VAV2: variants seen among roughly 807,000 people sequenced by gnomAD.
VAV2 encodes guanine nucleotide exchange factor VAV2.
Under a neutral mutation model 132.5 loss-of-function variants are expected in VAV2, and 67 were observed. The observed-to-expected ratio is 0.51, with a 90% CI of 0.42 to 0.62. VAV2 has a LOEUF of 0.62. Among genes scored for constraint, VAV2 ranks in the 20% least tolerant of loss-of-function variants. The pLI, the probability that VAV2 is intolerant of heterozygous loss-of-function variation, is 0.00. For missense variants in VAV2, 938 were observed against 1,153.6 expected (o/e 0.81, Z 2.71); for synonymous variants, 492 against 443.5 (o/e 1.11, Z -1.37).
chr9:133,902,185 C>A (rs1177502352), intron 2 of VAV2, among the ~76,000 whole-genome samples: 1 of 152,186 alleles, frequency 6.6e-6, no homozygotes, highest in African/African-American at 2.4e-5. Context: ...TGAGACCCAA[C>A]TTCATTGTCT....
chr9:133,894,079 TCCACTGC>T (rs1399565978), intron 2 of VAV2, among the ~76,000 whole-genome samples: 1 of 152,140 alleles, frequency 6.6e-6, no homozygotes, highest in Non-Finnish European at 1.5e-5. Flanking sequence ...ACTCCCCGCC[TCCACTGC>T]CCGTCAGAAT....
chr9:133,946,972 A>G (rs1210342933), intron 1 of VAV2, among the ~76,000 whole-genome samples: 1 of 152,184 alleles, frequency 6.6e-6, no homozygotes, highest in Non-Finnish European at 1.5e-5. Context: ...CGGGCTCAGT[A>G]TCTGGTAGAC....
chr9:133,917,198 C>T (rs1384695753), intron 2 of VAV2, among the ~76,000 whole-genome samples: 1 of 150,946 alleles, frequency 6.6e-6, no homozygotes, highest in Non-Finnish European at 1.5e-5. Flanking sequence ...GGGGCCCTAT[C>T]CCCGTCCTCC....
In VAV2 at chr9:133,762,822, C is replaced by T. The variant is rs908622403; in HGVS notation, c.*1240G>A. 5 of 152,646 alleles carry T rather than the reference C, an allele frequency of 3.3e-5. No homozygotes were observed. The highest frequency in any genetic ancestry group is 9.6e-5 in the African/African-American group (4 of 41,478). The allele number at this position is 152,646 out of a possible 1,614,324, so 9.5% of individuals were successfully genotyped here. A position where few individuals can be genotyped will look rare whatever the true frequency, so the allele number is the denominator to read the frequency against. ...CCCAGCCTGGGCCGGGCACCTCCCACAGGCTGTGCAGCTGGCCAGAGGGAG... is the reference window on the plus strand; with the variant it reads ...CCCAGCCTGGGCCGGGCACCTCCCATAGGCTGTGCAGCTGGCCAGAGGGAG... On this transcript the variant is annotated 3_prime_UTR_variant, in exon 30 of 30. Transcript: ENST00000371850. This position sits in a 1 kb window ranked among gnomAD's most constrained non-coding sequence, Gnocchi z 5.0.
chr9:133,891,600 GGGGAAAGAA>G (rs1450604843), intron 2 of VAV2, among the ~76,000 whole-genome samples: 1 of 2,382 alleles, frequency 4.2e-4, no homozygotes. Flanking sequence ...AAGGGAGGGA[GGGGAAAGAA>G]GGAGAGGGAT....
rs138204693 is a variant in VAV2, at chr9:133,901,478, G to C, written c.321+37625C>G. 8.3e-3 allele frequency among the ~76,000 whole-genome samples: 1,262 copies of C among 152,374 alleles called. 26 individuals carry two copies. Among genetic ancestry groups the C allele is most frequent in the African/African-American group, 0.029 (1,205 of 41,590 alleles). On this transcript the variant is annotated intron_variant, in intron 2 of 29. Transcript: ENST00000371850. ...GTGGTGGCTCTGACCAGGGGAGCCT[G>C]TCGGGAGAGCCATGGCACCACCTCG...
intron 2 of VAV2, among the ~76,000 whole-genome samples, chr9:133,888,974 C>T (rs945269676): frequency 6.6e-6 from 1 of 152,194 alleles, no homozygotes; most frequent in Non-Finnish European, 1.5e-5. Flanking sequence ...GGAAATGAAG[C>T]GCCCCTGCCA....
At chr9:133,814,288 C>G (rs1463075068) in intron 4 of VAV2, among the ~76,000 whole-genome samples, 2 of 152,270 alleles carry the variant, frequency 1.3e-5, no homozygotes, top group African/African-American at 4.8e-5. Context: ...CAGATGCTGT[C>G]CCCAAGGACA....
chr9:133,770,513 A>G lies in VAV2; in HGVS notation c.2224-12T>C. 6.2e-7 allele frequency: 1 copy of G among 1,613,248 alleles called. No individual in the cohort carries two copies. The highest frequency in any genetic ancestry group is 8.5e-7 in the Non-Finnish European group (1 of 1,179,448). ...TACTCCACCAACTCCTGCAGGGCGT[A>G]CACACTCACTGACAGCTGCTGCCAC... On this transcript the variant is annotated splice_polypyrimidine_tract_variant and intron_variant, in intron 26 of 29. Transcript: ENST00000371850.
At chr9:133,836,281 G>C (rs779454063) in intron 3 of VAV2, among the ~76,000 whole-genome samples, 16 of 152,210 alleles carry the variant, frequency 1.1e-4, no homozygotes, top group Non-Finnish European at 1.3e-4. Context: ...GGCTCTGCCA[G>C]GCTGAGATGT....
intron 2 of VAV2, among the ~76,000 whole-genome samples, chr9:133,913,556 C>A (rs543754900): frequency 2.6e-5 from 4 of 152,374 alleles, no homozygotes; most frequent in South Asian, 2.1e-4. Context: ...TGGTAAAAAA[C>A]CAAAGGCAGA....
At chr9:133,772,945 GAAT>G (rs1833684668) in intron 25 of VAV2, among the ~76,000 whole-genome samples, 5 of 85,936 alleles carry the variant, frequency 5.8e-5, no homozygotes, top group Non-Finnish European at 1.5e-4. Flanking sequence ...TACCTAAGCT[GAAT>G]GATGGAGCCT....
At chr9:133,981,759 A>T (rs1842701424) in intron 1 of VAV2, among the ~76,000 whole-genome samples, 1 of 152,160 alleles carries the variant, frequency 6.6e-6, no homozygotes, top group Non-Finnish European at 1.5e-5. Flanking sequence ...CGGGCCACTC[A>T]TCGTGTTTCC....
At chr9:133,797,059 G>T (rs1477151446) in intron 10 of VAV2, among the ~76,000 whole-genome samples, 1 of 152,206 alleles carries the variant, frequency 6.6e-6, no homozygotes, top group African/African-American at 2.4e-5. Flanking sequence ...CTCCACCACT[G>T]CTAGAGCCAG....
chr9:133,808,873 T>G (rs920514212), intron 7 of VAV2, among the ~76,000 whole-genome samples, 167 bp downstream of exon 7: 8 of 152,132 alleles, frequency 5.3e-5, no homozygotes, highest in Non-Finnish European at 2.9e-5. Context: ...CACCCTCCTT[T>G]TGGGTAGGGG....
At chr9:133,973,412 C>G (rs923653129) in intron 1 of VAV2, among the ~76,000 whole-genome samples, 6 of 152,186 alleles carry the variant, frequency 3.9e-5, no homozygotes, top group African/African-American at 1.4e-4. Context: ...CCATGACCCC[C>G]GGGCAGGACT....
chr9:133,809,498 C>G (rs1835281651), intron 6 of VAV2, among the ~76,000 whole-genome samples: 1 of 152,228 alleles, frequency 6.6e-6, no homozygotes, highest in African/African-American at 2.4e-5. Flanking sequence ...AGCACAGGAG[C>G]AGGAGTGACT....
chr9:133,786,120 C>T lies in VAV2; in HGVS notation c.1423-235G>A, dbSNP rs919509084. On this transcript the variant is annotated intron_variant, in intron 16 of 29. Transcript: ENST00000371850. Reference sequence around the variant, plus strand: ...GTATAGCTGTGTGCCCATACCCTCACGTGAGAATACATATGCGCTTGTGCC... The same window carrying T: ...GTATAGCTGTGTGCCCATACCCTCATGTGAGAATACATATGCGCTTGTGCC... 43 of 563,594 alleles carry T rather than the reference C, an allele frequency of 7.6e-5. 1 individual carries two copies. Among genetic ancestry groups the T allele is most frequent in the South Asian group, 5.6e-4 (31 of 54,894 alleles). 34.9% of individuals were successfully genotyped at this position (563,594 alleles called of 1,614,324 possible). A position where few individuals can be genotyped will look rare whatever the true frequency, so the allele number is the denominator to read the frequency against.
chr9:133,922,501 CT>C (rs1382866427), intron 2 of VAV2, among the ~76,000 whole-genome samples: 1 of 152,242 alleles, frequency 6.6e-6, no homozygotes, highest in Non-Finnish European at 1.5e-5. Context: ...TGGCTTCTGG[CT>C]GCCAACCCGC....
Sources: allele counts gnomAD v4.1 joint callset (sites outside exome capture counted in the v4.1 genomes callset), GRCh38; gene constraint gnomAD v4.1.1; non-coding constraint Gnocchi (gnomAD v3.1); transcripts MANE v1.5; gene names NCBI Gene and HGNC (gene_info 2026-07-23, HGNC 2026-07-21).